Variants in LRP1B observed in about 807,000 individuals in gnomAD.
LRP1B encodes low-density lipoprotein receptor-related protein 1B.
A neutral mutation model predicts 556.6 loss-of-function variants in LRP1B; 217 were observed. The ratio of observed to expected loss-of-function variants is 0.39; its 90% CI spans 0.35 to 0.44. The LOEUF (loss-of-function observed/expected upper bound fraction) is 0.44, where lower values mean the gene tolerates loss of function less well. LRP1B is among the 20% of genes least tolerant of loss of function. The probability of loss-of-function intolerance (pLI) is 1.00; values close to 1 mark genes in which losing one functional copy is unlikely to be tolerated. For missense variants in LRP1B, 5,053 were observed against 5,620.8 expected, an observed-to-expected ratio of 0.90 and a Z score of 3.23; for synonymous variants, 2,047 against 1,865.8, an observed-to-expected ratio of 1.10 and a Z score of -2.50.
At chr2:141,309,902 A>T (rs567178646) in intron 3 of LRP1B, among the ~76,000 whole-genome samples, 3 of 152,250 alleles carry the variant, frequency 2.0e-5, no homozygotes, top group South Asian at 4.1e-4. Context: ...AAAAAGAAAG[A>T]TAAGTGTTCC....
At chr2:141,735,005 C>T (rs1343414858) in intron 2 of LRP1B, among the ~76,000 whole-genome samples, 1 of 152,008 alleles carries the variant, frequency 6.6e-6, no homozygotes, top group Non-Finnish European at 1.5e-5. Flanking sequence ...CCTCAACAGC[C>T]ATTTGAATAT....
chr2:140,379,266 C>T (rs534916250), intron 67 of LRP1B, among the ~76,000 whole-genome samples: 59 of 152,222 alleles, frequency 3.9e-4, no homozygotes, highest in African/African-American at 1.2e-3. Flanking sequence ...CCATATGATG[C>T]CTGATTTTCT....
At chr2:140,399,861 G>A (rs1558856118) in intron 66 of LRP1B, among the ~76,000 whole-genome samples, 1 of 152,150 alleles carries the variant, frequency 6.6e-6, no homozygotes, top group Non-Finnish European at 1.5e-5. Context: ...ATTGTACATT[G>A]TAAGCTAGTT....
At chr2:140,469,433 C>T (rs1039654443) in intron 60 of LRP1B, among the ~76,000 whole-genome samples, 7 of 152,232 alleles carry the variant, frequency 4.6e-5, no homozygotes, top group Non-Finnish European at 2.9e-5. Flanking sequence ...ATAAATTATC[C>T]AGCCAATAGT....
intron 1 of LRP1B, among the ~76,000 whole-genome samples, chr2:141,852,302 G>A (rs1229219550): frequency 6.6e-6 from 1 of 151,628 alleles, no homozygotes; most frequent in Non-Finnish European, 1.5e-5. Flanking sequence ...TTATTGACTT[G>A]ACCTTCCTTC....
intron 35 of LRP1B, among the ~76,000 whole-genome samples, chr2:140,735,026 G>A (rs1687900535): frequency 6.6e-6 from 1 of 152,070 alleles, no homozygotes; most frequent in Admixed American, 6.6e-5. Context: ...TTTCCCAAAA[G>A]ACCAAACTAG....
chr2:141,236,510 G>A (rs1683652173), intron 5 of LRP1B, among the ~76,000 whole-genome samples: 1 of 152,130 alleles, frequency 6.6e-6, no homozygotes, highest in Admixed American at 6.6e-5. Flanking sequence ...ACAGGCAGGA[G>A]TAATTAGTTA....
intron 2 of LRP1B, among the ~76,000 whole-genome samples, chr2:141,652,903 T>C (rs1217125246): frequency 2.6e-5 from 4 of 152,196 alleles, no homozygotes. Context: ...TTCCTGTGAT[T>C]CCTTCATATG....
At chr2:140,827,930 G>A (rs1253772952) in intron 31 of LRP1B, among the ~76,000 whole-genome samples, 1 of 152,000 alleles carries the variant, frequency 6.6e-6, no homozygotes, top group African/African-American at 2.4e-5. Flanking sequence ...ACTTCTCAAT[G>A]GAAACCATAT....
At chr2:140,312,736 T>G (rs1684360318) in intron 83 of LRP1B, among the ~76,000 whole-genome samples, 1 of 151,934 alleles carries the variant, frequency 6.6e-6, no homozygotes, top group Admixed American at 6.6e-5. Context: ...ATTTTTAGTA[T>G]CTTTTTGTAT....
intron 60 of LRP1B, among the ~76,000 whole-genome samples, chr2:140,458,963 T>C (rs915608058): frequency 6.6e-6 from 1 of 152,034 alleles, no homozygotes; most frequent in Admixed American, 6.6e-5. Context: ...ACTTTCATAA[T>C]ATAAAATCTA....
At chr2:141,346,280 T>TA (rs1484101643) in intron 3 of LRP1B, among the ~76,000 whole-genome samples, 3 of 152,008 alleles carry the variant, frequency 2.0e-5, no homozygotes, top group Non-Finnish European at 2.9e-5. Flanking sequence ...ACTGTTTTTT[T>TA]AAAAAAAGCA....
At chr2:141,266,984 T>C (rs1415791862) in intron 3 of LRP1B, among the ~76,000 whole-genome samples, 2 of 152,124 alleles carry the variant, frequency 1.3e-5, no homozygotes, top group Non-Finnish European at 2.9e-5. Context: ...TAAAGCAAAA[T>C]ATGTTTGTGT....
At chr2:141,453,963 GTATC>G (rs1681530346) in intron 3 of LRP1B, among the ~76,000 whole-genome samples, 1 of 151,536 alleles carries the variant, frequency 6.6e-6, no homozygotes, top group African/African-American at 2.4e-5. Context: ...ATTCTTTCTG[GTATC>G]TATCACCTCA....
At chr2:141,561,338 T>C (rs145939984) in intron 2 of LRP1B, among the ~76,000 whole-genome samples, 2 of 151,904 alleles carry the variant, frequency 1.3e-5, no homozygotes, top group Non-Finnish European at 3.0e-5. Context: ...TTTTCTCCAA[T>C]AGATTAATAT....
chr2:140,526,437 T>C, intron 47 of LRP1B, 87 bp from the exon 48 acceptor site: 2 of 936,000 alleles, frequency 2.1e-6, no homozygotes, highest in Non-Finnish European at 3.3e-6. Flanking sequence ...TTATTTTATA[T>C]AATTTTGTTT....
chr2:141,614,596 GA>G (rs1358017297), intron 2 of LRP1B, among the ~76,000 whole-genome samples: 2 of 152,180 alleles, frequency 1.3e-5, no homozygotes, highest in African/African-American at 4.8e-5. Flanking sequence ...TGCACACAAA[GA>G]AAACACAACA....
chr2:141,596,181 A>G (rs1687512433), intron 2 of LRP1B, among the ~76,000 whole-genome samples: 1 of 152,046 alleles, frequency 6.6e-6, no homozygotes, highest in Admixed American at 6.6e-5. Flanking sequence ...CAGGGTATAC[A>G]TCTTTGACTC....
chr2:141,212,249 A>ATTTTTTTTT lies in LRP1B; in HGVS notation c.850+16925_850+16933dup, dbSNP rs59699046. ...AAGATATATTGATCAAAAAGTCTAG[A>ATTTTTTTTT]TTTTTTTTTTTTTTTTTTTTTTTTT... On this transcript the variant is annotated intron_variant, in intron 6 of 90. Transcript: ENST00000389484. Among the ~76,000 whole-genome samples the ATTTTTTTTT allele has an allele frequency of 8.8e-4, 55 of 62,256 alleles. 11 individuals carry two copies. Among genetic ancestry groups the ATTTTTTTTT allele is most frequent in the Non-Finnish European group, 9.8e-4 (32 of 32,698 alleles). 40.8% of individuals were successfully genotyped at this position (62,256 alleles called of 152,430 possible).
Sources: allele counts gnomAD v4.1 joint callset (sites outside exome capture counted in the v4.1 genomes callset), GRCh38; gene constraint gnomAD v4.1.1; transcripts MANE v1.5; gene names NCBI Gene and HGNC (gene_info 2026-07-23, HGNC 2026-07-21).